Variants in LRRC18 observed in about 807,000 individuals in gnomAD.
The protein encoded by LRRC18 is leucine rich repeat containing 18.
A neutral mutation model predicts 11.2 loss-of-function variants in LRRC18; 12 were observed. The ratio of observed to expected loss-of-function variants is 1.07; its 90% CI spans 0.69 to 1.74. The LOEUF (loss-of-function observed/expected upper bound fraction) is 1.74, where lower values mean the gene tolerates loss of function less well. Ranked by LOEUF, LRRC18 falls within the 40% of genes most tolerant of loss-of-function variation. The probability of loss-of-function intolerance (pLI) is 0.00; values close to 1 mark genes in which losing one functional copy is unlikely to be tolerated. For missense variants in LRRC18, 374 were observed against 330.5 expected, an observed-to-expected ratio of 1.13 and a Z score of -1.02; for synonymous variants, 155 against 130.6, an observed-to-expected ratio of 1.19 and a Z score of -1.27.
At chr10:48,910,030 C>T in exon 2 of LRRC18, 1 of 550,518 alleles carries the variant, frequency 1.8e-6, no homozygotes, top group African/African-American at 1.9e-5. Context: ...CAAATATTTC[C>T]CAAAGTCATT....
the LRRC18 span, among the ~76,000 whole-genome samples, chr10:48,923,921 G>T: frequency 1.1e-4 from 17 of 152,324 alleles, no homozygotes; most frequent in East Asian, 3.1e-3. Context: ...CATCCAGCCA[G>T]TTGGGCCCAG....
the LRRC18 span, chr10:48,932,737 G>T: frequency 3.9e-5 from 6 of 152,130 alleles, no homozygotes; most frequent in Non-Finnish European, 7.4e-5. Flanking sequence ...AGCTGATGAT[G>T]TGACAGAGAA....
At chr10:48,936,315 A>T in the LRRC18 span, among the ~76,000 whole-genome samples, 3 of 152,162 alleles carry the variant, frequency 2.0e-5, no homozygotes, top group Non-Finnish European at 4.4e-5. Flanking sequence ...GTAGACAGCA[A>T]ATGGATTAAA....
the LRRC18 span, among the ~76,000 whole-genome samples, chr10:48,925,782 A>G: frequency 6.6e-6 from 1 of 152,118 alleles, no homozygotes; most frequent in East Asian, 1.9e-4. Context: ...GGGATTTCTG[A>G]CATCAATTTT....
chr10:48,915,428 T>TG (rs1838429481), upstream of LRRC18, among the ~76,000 whole-genome samples: 2 of 151,288 alleles, frequency 1.3e-5, no homozygotes, highest in Admixed American at 1.3e-4. Context: ...TTTTTTTTTT[T>TG]GGACCAAGAT....
In LRRC18 at chr10:48,910,897, C is replaced by T. The variant is rs535831964; in HGVS notation, c.765-639G>A. The T allele has an allele frequency of 5.7e-5, 56 of 985,144 alleles. No homozygotes were observed. In the South Asian group the frequency reaches 2.3e-3, roughly 40 times the overall value. 61.0% of individuals were successfully genotyped at this position (985,144 alleles called of 1,614,324 possible). ...CTGGGCACCAGGTGGGCTCTGTAAC[C>T]TCGATGTTTCTCTTAACTTCTCTCC... is the stretch of plus-strand genomic sequence containing the variant. On this transcript the variant is annotated intron_variant, in intron 1 of 1. Coordinates refer to ENST00000374160, the Ensembl canonical transcript of LRRC18.
intron 1 of LRRC18, among the ~76,000 whole-genome samples, chr10:48,911,556 A>C (rs1308201792): frequency 6.6e-6 from 1 of 152,254 alleles, no homozygotes; most frequent in Non-Finnish European, 1.5e-5. Flanking sequence ...ATGTATATCC[A>C]CAAGAATAAC....
At chr10:48,928,440 C>T in the LRRC18 span, among the ~76,000 whole-genome samples, 98 of 150,748 alleles carry the variant, frequency 6.5e-4, no homozygotes, top group African/African-American at 2.1e-3. Context: ...GATGGGACCA[C>T]ACAACTGACC....
chr10:48,929,236 G>A, the LRRC18 span, among the ~76,000 whole-genome samples: 1 of 151,608 alleles, frequency 6.6e-6, no homozygotes, highest in Non-Finnish European at 1.5e-5. Flanking sequence ...AGAGAAGGAG[G>A]ACAGAGGAAG....
rs1837880172 is a variant in LRRC18, at chr10:48,910,274, CAAG to C, written c.765-19_765-17del. 2.0e-5 allele frequency: 33 copies of C among 1,613,148 alleles called. No individual in the cohort carries two copies. The highest frequency in any genetic ancestry group is 2.8e-5 in the Non-Finnish European group (33 of 1,179,230). On this transcript the variant is annotated splice_polypyrimidine_tract_variant and intron_variant, in intron 1 of 1. Transcript: ENST00000374160. The stretch of plus-strand genomic sequence containing the variant: ...CAAGCGTATTCTGGGGATGGAGACA[CAAG>C]AAGGTGAGGCAATTGCTCCAGGCCA...
the LRRC18 span, among the ~76,000 whole-genome samples, chr10:48,930,619 A>G: frequency 3.3e-5 from 5 of 152,210 alleles, no homozygotes; most frequent in African/African-American, 4.8e-5. Flanking sequence ...ACTTCTAAGA[A>G]TCTCCCTTCA....
chr10:48,915,147 C>T (rs1838395791), upstream of LRRC18, among the ~76,000 whole-genome samples: 1 of 152,168 alleles, frequency 6.6e-6, no homozygotes, highest in Admixed American at 6.5e-5. Flanking sequence ...CCTTACAGAG[C>T]TATGAGGGGG....
At chr10:48,926,491 CA>C in the LRRC18 span, among the ~76,000 whole-genome samples, 1 of 152,200 alleles carries the variant, frequency 6.6e-6, no homozygotes, top group Admixed American at 6.5e-5. Flanking sequence ...GACAGAGAGG[CA>C]GCCTTAGCCA....
At chr10:48,910,804 G>T (rs1163622997) in intron 1 of LRRC18, 1 of 499,924 alleles carries the variant, frequency 2.0e-6, no homozygotes, top group African/African-American at 2.1e-5. Context: ...AGCAAGTAAG[G>T]GTGTTGAGGA....
chr10:48,919,555 G>T, the LRRC18 span, among the ~76,000 whole-genome samples: 1 of 152,192 alleles, frequency 6.6e-6, no homozygotes, highest in Non-Finnish European at 1.5e-5. Flanking sequence ...TGTTCCAGAG[G>T]CTGGGAAGTC....
At chr10:48,927,303 C>T in the LRRC18 span, among the ~76,000 whole-genome samples, 5 of 152,144 alleles carry the variant, frequency 3.3e-5, no homozygotes, top group Non-Finnish European at 5.9e-5. Flanking sequence ...ATAAAGTGAC[C>T]TCTCCTTTGC....
At chr10:48,934,936 T>A in the LRRC18 span, among the ~76,000 whole-genome samples, 1 of 152,190 alleles carries the variant, frequency 6.6e-6, no homozygotes, top group African/African-American at 2.4e-5. Context: ...CCCCCGAGGA[T>A]GCCCACTGTG....
At chr10:48,934,912 C>T in the LRRC18 span, among the ~76,000 whole-genome samples, 2 of 152,334 alleles carry the variant, frequency 1.3e-5, no homozygotes, top group African/African-American at 2.4e-5. Flanking sequence ...TTCCCAGGCT[C>T]GCCTGTGCCC....
exon 1 of LRRC18, chr10:48,914,048 C>G: frequency 6.2e-7 from 1 of 1,614,232 alleles, no homozygotes; most frequent in Non-Finnish European, 8.5e-7. Flanking sequence ...TAATTCCCAT[C>G]TTGCTCAAGT....
Sources: allele counts gnomAD v4.1 joint callset (sites outside exome capture counted in the v4.1 genomes callset), GRCh38; gene constraint gnomAD v4.1.1; transcripts MANE v1.5; gene names NCBI Gene and HGNC (gene_info 2026-07-23, HGNC 2026-07-21).